PRKD1: variants seen among roughly 807,000 people sequenced by gnomAD.
PRKD1 encodes protein kinase D1.
A neutral mutation model predicts 95.9 loss-of-function variants in PRKD1; 63 were observed. The observed-to-expected ratio is 0.66, with a 90% CI of 0.54 to 0.81. The LOEUF is 0.81. PRKD1 is among the 30% of genes least tolerant of loss of function. The pLI, the probability that PRKD1 is intolerant of heterozygous loss-of-function variation, is 0.00. For missense variants in PRKD1, 1,048 were observed against 1,165.3 expected (o/e 0.90, Z 1.47); for synonymous variants, 425 against 423.1 (o/e 1.00, Z -0.05).
At chr14:29,853,679 T>C (rs760699656) in intron 1 of PRKD1, among the ~76,000 whole-genome samples, 32 of 152,214 alleles carry the variant, frequency 2.1e-4, no homozygotes, top group Non-Finnish European at 4.4e-5. Context: ...TAATAGAGGA[T>C]ACATCATGAA....
intron 1 of PRKD1, among the ~76,000 whole-genome samples, chr14:29,921,609 C>T (rs1407855083): frequency 2.0e-5 from 3 of 152,008 alleles, no homozygotes; most frequent in Non-Finnish European, 2.9e-5. Flanking sequence ...AGGTCAGTAA[C>T]AGTTATTCAT....
At chr14:29,886,859 T>C (rs570896391) in intron 1 of PRKD1, among the ~76,000 whole-genome samples, 37 of 152,236 alleles carry the variant, frequency 2.4e-4, no homozygotes, top group Non-Finnish European at 4.7e-4. Context: ...TATCACAGCA[T>C]TATCATCCAG....
At chr14:29,844,581 A>C (rs966213595) in intron 1 of PRKD1, among the ~76,000 whole-genome samples, 3 of 152,112 alleles carry the variant, frequency 2.0e-5, no homozygotes, top group African/African-American at 7.2e-5. Context: ...GTTTAGCCTC[A>C]CTCTATGTGG....
rs1352176932 is a variant in PRKD1 at position 29,697,635 on chromosome 14, T to C, written c.403+27901A>G. Among the ~76,000 whole-genome samples the C allele has an allele frequency of 2.6e-5, 4 of 152,212 alleles. No individual in the cohort carries two copies. In the East Asian group the frequency reaches 5.8e-4, roughly 22 times the overall value. On this transcript the variant is annotated intron_variant, in intron 2 of 17. Coordinates refer to ENST00000331968, the MANE Select transcript of PRKD1 (RefSeq NM_002742.3). ...CTTTTTGGGAAAGGCAATAATGTTG[T>C]AATATAAAATGTCGTTTCATGAATT...
chr14:29,717,905 A>G (rs17115218), intron 2 of PRKD1, among the ~76,000 whole-genome samples: 15,753 of 152,080 alleles, frequency 0.1, 980 homozygotes, highest in African/African-American at 0.17. Context: ...AGATGGAGAA[A>G]CAATGCACTA....
intron 1 of PRKD1, among the ~76,000 whole-genome samples, chr14:29,844,224 A>G (rs1891986934): frequency 6.6e-6 from 1 of 152,236 alleles, no homozygotes; most frequent in Non-Finnish European, 1.5e-5. Flanking sequence ...AAGGAACTAG[A>G]GGAGAATAAA....
intron 1 of PRKD1, among the ~76,000 whole-genome samples, chr14:29,732,244 A>G (rs767879802): frequency 3.3e-5 from 5 of 152,142 alleles, no homozygotes; most frequent in Non-Finnish European, 7.3e-5. Flanking sequence ...ATACTAGCTT[A>G]CCAATTTTTT....
chr14:29,803,201 T>C (rs373464690), intron 1 of PRKD1, among the ~76,000 whole-genome samples: 2 of 152,180 alleles, frequency 1.3e-5, no homozygotes, highest in Non-Finnish European at 2.9e-5. Context: ...GAGTAGACCA[T>C]TCCAGATGGA....
chr14:29,838,130 G>C (rs1173334008), intron 1 of PRKD1, among the ~76,000 whole-genome samples: 1 of 152,108 alleles, frequency 6.6e-6, no homozygotes, highest in Non-Finnish European at 1.5e-5. Context: ...GGATTCTGAA[G>C]TTTTCCTGAT....
At chr14:29,689,505 C>T (rs67092112) in intron 2 of PRKD1, among the ~76,000 whole-genome samples, 10,597 of 152,116 alleles carry the variant, frequency 0.07, 950 homozygotes, top group African/African-American at 0.21. Context: ...GAAAAAGGAA[C>T]ACTTTTACAC....
At chr14:29,736,756 G>A (rs1394016758) in intron 1 of PRKD1, among the ~76,000 whole-genome samples, 1 of 152,196 alleles carries the variant, frequency 6.6e-6, no homozygotes, top group African/African-American at 2.4e-5. Flanking sequence ...ATGCTGCTGT[G>A]TGTATCATTT....
intron 2 of PRKD1, among the ~76,000 whole-genome samples, chr14:29,696,835 G>A (rs145955430): frequency 1.4e-3 from 209 of 152,112 alleles, no homozygotes; most frequent in Middle Eastern, 0.01. Context: ...TTGTAATTAT[G>A]AAAATGAGTG....
At chr14:29,805,857 A>G (rs1890210027) in intron 1 of PRKD1, among the ~76,000 whole-genome samples, 1 of 152,246 alleles carries the variant, frequency 6.6e-6, no homozygotes, top group Admixed American at 6.5e-5. Context: ...AAGTACTTGT[A>G]AGTTGCCAAT....
At chr14:29,806,789 T>C (rs1180557806) in intron 1 of PRKD1, among the ~76,000 whole-genome samples, 1 of 152,112 alleles carries the variant, frequency 6.6e-6, no homozygotes, top group Non-Finnish European at 1.5e-5. Context: ...CAGACATACT[T>C]TTGCAACTGA....
chr14:29,777,421 T>C (rs1189627908), intron 1 of PRKD1, among the ~76,000 whole-genome samples: 3 of 151,964 alleles, frequency 2.0e-5, no homozygotes, highest in Admixed American at 6.6e-5. Context: ...GAGATACACA[T>C]AGGCTCAAAA....
intron 1 of PRKD1, among the ~76,000 whole-genome samples, chr14:29,735,003 G>A (rs12889453): frequency 0.18 from 27,320 of 152,046 alleles, 2,725 homozygotes; most frequent in South Asian, 0.26. Flanking sequence ...GAGGGATCAC[G>A]TTACTGCATG....
At chr14:29,803,941 C>T (rs1890130040) in intron 1 of PRKD1, among the ~76,000 whole-genome samples, 1 of 151,948 alleles carries the variant, frequency 6.6e-6, no homozygotes. Flanking sequence ...TTCAACCACC[C>T]ATAAAAACAA....
intron 1 of PRKD1, among the ~76,000 whole-genome samples, chr14:29,808,304 G>A (rs1203265174): frequency 1.3e-4 from 17 of 134,548 alleles, no homozygotes; most frequent in South Asian, 5.1e-4. Context: ...TCATCCATAA[G>A]AAGCCACTAG....
At chr14:29,596,208 C>T (rs891790910) in intron 16 of PRKD1, among the ~76,000 whole-genome samples, 6 of 152,084 alleles carry the variant, frequency 3.9e-5, no homozygotes, top group Non-Finnish European at 8.8e-5. Flanking sequence ...TTCTCCTAAG[C>T]GGTTTGTACA....
Sources: allele counts gnomAD v4.1 joint callset (sites outside exome capture counted in the v4.1 genomes callset), GRCh38; gene constraint gnomAD v4.1.1; transcripts MANE v1.5; gene names NCBI Gene and HGNC (gene_info 2026-07-23, HGNC 2026-07-21).